DAB2IP: variants seen among roughly 807,000 people sequenced by gnomAD.
DAB2IP encodes disabled homolog 2-interacting protein.
In DAB2IP, 28 loss-of-function variants were observed where a neutral mutation model predicts 107.2. The observed-to-expected ratio is 0.26, with a 90% CI of 0.19 to 0.36. The LOEUF (loss-of-function observed/expected upper bound fraction) is 0.36, where lower values mean the gene tolerates loss of function less well. Ranked by LOEUF, DAB2IP falls within the 10% of genes least tolerant of loss-of-function variation. The pLI is 1.00. For missense variants in DAB2IP, 1,400 were observed against 1,644.7 expected (o/e 0.85, Z 2.57); for synonymous variants, 755 against 706.4 (o/e 1.07, Z -1.09).
At chr9:121,659,202 T>C (rs1428721467) in intron 1 of DAB2IP, among the ~76,000 whole-genome samples, 2 of 152,190 alleles carry the variant, frequency 1.3e-5, no homozygotes, top group African/African-American at 2.4e-5. Flanking sequence ...GATGACTCCT[T>C]CCTACTGTCC....
intron 1 of DAB2IP, among the ~76,000 whole-genome samples, chr9:121,669,493 T>C (rs975648092): frequency 6.6e-6 from 1 of 151,986 alleles, no homozygotes; most frequent in African/African-American, 2.4e-5. Context: ...AAGAACCTAG[T>C]ATAGGATTTG....
chr9:121,704,695 A>T (rs982381489), intron 3 of DAB2IP, among the ~76,000 whole-genome samples: 2 of 151,628 alleles, frequency 1.3e-5, no homozygotes, highest in Non-Finnish European at 2.9e-5. Flanking sequence ...TCTTCTTTCC[A>T]CCTTCCTCCC....
At position 121,772,808 on chromosome 9, in the gene DAB2IP, G is replaced by A. The variant is rs371971340; in HGVS notation, c.2280G>A (p.Glu760=). The A allele has an allele frequency of 5.5e-5, 88 of 1,611,270 alleles. No homozygotes were observed. The African/African-American group carries it at 9.1e-4, about 17-fold the overall frequency. ...AGGACGCCCGCACGCTGGATGGGGA[G>A]GCAGGCTCCCCGGCGGGCCCCGACG... is the stretch of plus-strand genomic sequence containing the variant. Residue 760 remains glutamate (E), a synonymous_variant, in exon 12 of 16, where the codon GAG becomes GAA. Transcript: ENST00000408936. The surrounding 1 kb of genome is among the most constrained non-coding windows in gnomAD (Gnocchi z 4.7).
exon 12 of DAB2IP, chr9:121,773,335 C>T: frequency 6.4e-7 from 1 of 1,565,272 alleles, no homozygotes; most frequent in South Asian, 1.2e-5. Context: ...GGCCGGACGC[C>T]CCCCAACCTG....
intron 1 of DAB2IP, among the ~76,000 whole-genome samples, chr9:121,588,638 G>GGAAGGGAAGGGAAGGGAAGGAAAGA (rs1564686438): frequency 1.3e-5 from 2 of 151,412 alleles, no homozygotes; most frequent in African/African-American, 4.8e-5. Flanking sequence ...GGAAGGGAAG[G>GGAAGGGAAGGGAAGGGAAGGAAAGA]GAAGGAAAGA....
chr9:121,779,259 T>A (rs1835424773), intron 14 of DAB2IP, among the ~76,000 whole-genome samples: 1 of 152,236 alleles, frequency 6.6e-6, no homozygotes, highest in African/African-American at 2.4e-5. Flanking sequence ...TTAATTCTCA[T>A]TGTGCTTTTA....
chr9:121,613,767 T>G (rs1831170685), intron 1 of DAB2IP, among the ~76,000 whole-genome samples: 1 of 152,208 alleles, frequency 6.6e-6, no homozygotes, highest in South Asian at 2.1e-4. Flanking sequence ...ATTGGAGAAG[T>G]GCTGGGATAG....
At chr9:121,583,793 T>A (rs1830256148) in intron 1 of DAB2IP, among the ~76,000 whole-genome samples, 1 of 152,240 alleles carries the variant, frequency 6.6e-6, no homozygotes, top group South Asian at 2.1e-4. Context: ...TTTCCCGTTG[T>A]GTCCAAGGAG....
At chr9:121,758,779 G>A in intron 4 of DAB2IP, 119 bp from the exon 5 acceptor site, 1 of 829,140 alleles carries the variant, frequency 1.2e-6, no homozygotes, top group Admixed American at 2.1e-5. Context: ...GCTCCTTCCT[G>A]AAGCTGTGAT....
chr9:121,750,179 A>G (rs1833005239), intron 3 of DAB2IP, among the ~76,000 whole-genome samples: 1 of 152,232 alleles, frequency 6.6e-6, no homozygotes, highest in African/African-American at 2.4e-5. Context: ...AGAGAGTCGA[A>G]TGACTTAAAG....
At chr9:121,754,912 C>T (rs1294446488) in intron 3 of DAB2IP, among the ~76,000 whole-genome samples, 1 of 152,194 alleles carries the variant, frequency 6.6e-6, no homozygotes, top group African/African-American at 2.4e-5. Context: ...GGGTCCCTAC[C>T]CCACCCTCCC....
At chr9:121,703,211 TG>T (rs2118748184) in intron 3 of DAB2IP, among the ~76,000 whole-genome samples, 1 of 152,254 alleles carries the variant, frequency 6.6e-6, no homozygotes, top group South Asian at 2.1e-4. Flanking sequence ...CTGCCCCTTG[TG>T]GTGAGACAGT....
Position 121,763,716 on chromosome 9 carries a change from C to G in DAB2IP, c.1316-19C>G. 1 of 1,613,152 alleles carries G rather than the reference C, an allele frequency of 6.2e-7. No homozygotes were observed. The highest frequency in any genetic ancestry group is 8.5e-7 in the Non-Finnish European group (1 of 1,179,384). On this transcript the variant is annotated intron_variant, in intron 7 of 15. Transcript: ENST00000408936. ...CCCGCCAGGTCCTCACTCCCCACTCCCTGCCCACTTGTCCATAGGTGAGTT... is the reference window on the plus strand; with the variant it reads ...CCCGCCAGGTCCTCACTCCCCACTCGCTGCCCACTTGTCCATAGGTGAGTT...
intron 2 of DAB2IP, among the ~76,000 whole-genome samples, chr9:121,679,830 C>G (rs536213341): frequency 2.6e-5 from 4 of 151,140 alleles, no homozygotes; most frequent in Non-Finnish European, 5.9e-5. Context: ...TTGAAGGGTC[C>G]GTAGAAAATG....
rs141496796 is a variant in DAB2IP at position 121,676,226 on chromosome 9, C to A, written c.125-2452C>A. On this transcript the variant is annotated intron_variant, in intron 1 of 15. Transcript: ENST00000408936. ...AGGATGAAGCCTGTGCTTCTGTGGACTCCTGTCCATGTGACTGTGTGGAGG... is the reference window on the plus strand; with the variant it reads ...AGGATGAAGCCTGTGCTTCTGTGGAATCCTGTCCATGTGACTGTGTGGAGG... Among the ~76,000 whole-genome samples, 575 of 152,328 alleles carry A rather than the reference C, an allele frequency of 3.8e-3. 4 individuals carry two copies. The highest frequency in any genetic ancestry group is 0.013 in the African/African-American group (561 of 41,580).
In DAB2IP at chr9:121,757,109, A is replaced by AGAGG; in HGVS notation, c.460_463dup (p.Val155GlyfsTer36). The AGAGG allele has an allele frequency of 6.2e-7, 1 of 1,614,182 alleles. No individual in the cohort carries two copies. Among genetic ancestry groups the AGAGG allele is most frequent in the Non-Finnish European group, 8.5e-7 (1 of 1,180,012 alleles). On this transcript the variant is annotated frameshift_variant, in exon 4 of 16. Transcript: ENST00000408936. LOFTEE classifies it high-confidence loss of function. ...AGGCGCTGGACCTCAGCATGGAGGAAGAGGTGGTCATCAAGCCCGTGCACA... is the reference window on the plus strand; with the variant it reads ...AGGCGCTGGACCTCAGCATGGAGGAAGAGGGAGGTGGTCATCAAGCCCGTGCACA...
intron 1 of DAB2IP, among the ~76,000 whole-genome samples, chr9:121,627,297 A>C (rs1056167798): frequency 6.6e-6 from 1 of 151,948 alleles, no homozygotes; most frequent in Non-Finnish European, 1.5e-5. Flanking sequence ...ACGGTCACAC[A>C]GGATTCCATT....
At position 121,571,217 on chromosome 9, in the gene DAB2IP, C is replaced by T. The variant is rs1187605129; in HGVS notation, c.40+3989C>T. Among the ~76,000 whole-genome samples, 12 of 152,068 alleles carry T rather than the reference C, an allele frequency of 7.9e-5. No individual in the cohort carries two copies. The East Asian group carries it at 9.6e-4, about 12-fold the overall frequency. ...CATAGGCCCTCTTTTCCTTTATGGA[C>T]GTGTTCATATGTGCACTACACATTA... is the stretch of plus-strand genomic sequence containing the variant. On this transcript the variant is annotated intron_variant, in intron 1 of 16. Transcript: ENST00000259371.
intron 3 of DAB2IP, among the ~76,000 whole-genome samples, chr9:121,708,068 A>G (rs1197969044): frequency 5.3e-5 from 8 of 152,230 alleles, no homozygotes; most frequent in Non-Finnish European, 1.0e-4. Context: ...CTTCTGAATT[A>G]TACCCTCTGG....
Sources: gnomAD v4.1 joint callset for allele counts (sites outside exome capture counted in the v4.1 genomes callset) on GRCh38, gnomAD v4.1.1 for gene constraint, Gnocchi (gnomAD v3.1) non-coding constraint, MANE v1.5 for transcripts, NCBI Gene and HGNC (gene_info 2026-07-23, HGNC 2026-07-21) for gene names.